Variants in ANKRD36C observed in about 807,000 individuals in gnomAD.
The protein encoded by ANKRD36C is ankyrin repeat domain 36C.
ANKRD36C carries 61 observed loss-of-function variants against 276.4 expected under a neutral mutation model. The ratio of observed to expected loss-of-function variants is 0.22; its 90% CI spans 0.18 to 0.27. The LOEUF (loss-of-function observed/expected upper bound fraction) is 0.27. Ranked by LOEUF, ANKRD36C falls within the 10% of genes least tolerant of loss-of-function variation. The pLI, the probability that ANKRD36C is intolerant of heterozygous loss-of-function variation, is 1.00. For missense variants in ANKRD36C, 1,447 were observed against 2,032.3 expected, an observed-to-expected ratio of 0.71 and a Z score of 5.54; for synonymous variants, 483 against 680.1, an observed-to-expected ratio of 0.71 and a Z score of 4.51.
intron 16 of ANKRD36C, among the ~76,000 whole-genome samples, chr2:95,950,314 T>A (rs1470050340): frequency 2.6e-5 from 4 of 151,558 alleles, no homozygotes; most frequent in Admixed American, 6.6e-5. Context: ...TTGGACAAAC[T>A]TTTGGAGTAG....
chr2:95,961,688 T>G (rs367816963), intron 8 of ANKRD36C, among the ~76,000 whole-genome samples: 1 of 151,828 alleles, frequency 6.6e-6, no homozygotes, highest in Non-Finnish European at 1.5e-5. Flanking sequence ...GCCCAATAGT[T>G]ACAAAGAGGG....
At chr2:95,908,768 G>C (rs1323760118) in intron 42 of ANKRD36C, 71 bp from the exon 47 acceptor site, 1 of 1,530,134 alleles carries the variant, frequency 6.5e-7, no homozygotes, top group African/African-American at 1.4e-5. Flanking sequence ...TTCATGCAGT[G>C]TTAGCATCAA....
chr2:95,966,926 T>C (rs1678604045), intron 6 of ANKRD36C, among the ~76,000 whole-genome samples: 1 of 152,174 alleles, frequency 6.6e-6, no homozygotes, highest in Non-Finnish European at 1.5e-5. Flanking sequence ...TTGTAGGAAT[T>C]GTGTATGGGA....
chr2:95,868,384 G>A (rs56414056), intron 59 of ANKRD36C, among the ~76,000 whole-genome samples: 10 of 151,350 alleles, frequency 6.6e-5, no homozygotes, highest in South Asian at 4.2e-4. Flanking sequence ...GCATATGTCC[G>A]ATGTTTAATT....
chr2:95,909,272 CTCTCAACCATA>C (rs1289792857), intron 42 of ANKRD36C, among the ~76,000 whole-genome samples: 4 of 72,414 alleles, frequency 5.5e-5, no homozygotes, highest in Non-Finnish European at 1.1e-4. Flanking sequence ...TTCATTATCT[CTCTCAACCATA>C]TGGTGTAACA....
At chr2:95,975,337 A>G (rs1678787720) in intron 6 of ANKRD36C, among the ~76,000 whole-genome samples, 1 of 152,218 alleles carries the variant, frequency 6.6e-6, no homozygotes, top group African/African-American at 2.4e-5. Flanking sequence ...CTAAGCCAAA[A>G]GAATAAAGCT....
At position 95,891,998 on chromosome 2, in the gene ANKRD36C, A is replaced by G. The variant is rs552157894; in HGVS notation, c.2756-138T>C. 698 of 1,396,440 alleles carry G rather than the reference A, an allele frequency of 5.0e-4. 1 individual carries two copies. Among genetic ancestry groups the G allele is most frequent in the African/African-American group, 2.3e-3 (157 of 68,290 alleles). 86.5% of individuals were successfully genotyped at this position (1,396,440 alleles called of 1,614,324 possible). On this transcript the variant is annotated intron_variant, in intron 44 of 66. Transcript: ENST00000456556. The stretch of plus-strand genomic sequence containing the variant: ...TTTGATGGCTTCTACTTTGTGTCTG[A>G]GGACTAGAACATGACAGAAATACGC...
chr2:95,910,716 C>G, intron 42 of ANKRD36C, 148 bp from the exon 45 acceptor site: 2 of 1,445,584 alleles, frequency 1.4e-6, no homozygotes, highest in Non-Finnish European at 1.9e-6. Context: ...GGGACTAGAA[C>G]ATGACAGAAG....
chr2:95,917,953 T>A, intron 35 of ANKRD36C, 26 bp from the exon 38 acceptor site: 1 of 1,598,144 alleles, frequency 6.3e-7, no homozygotes, highest in African/African-American at 1.3e-5. Flanking sequence ...AAGAAAATAA[T>A]AAATAAATAA....
chr2:95,914,373 T>G, intron 38 of ANKRD36C, 70 bp from the exon 41 acceptor site: 2 of 1,514,136 alleles, frequency 1.3e-6, no homozygotes, highest in Non-Finnish European at 1.8e-6. Context: ...ATTCATGCAG[T>G]GTTAGCATCA....
chr2:95,931,792 T>C lies in ANKRD36C; in HGVS notation c.1736-2525A>G, dbSNP rs527263069. On this transcript the variant is annotated intron_variant, in intron 24 of 66. Coordinates refer to ENST00000456556, the Ensembl canonical transcript of ANKRD36C. ...TAAATATGGAACAGAAACATTTTCA[T>C]TTGTAATTAAAATTCCTCTATTTAC... Among the ~76,000 whole-genome samples, 75 of 148,502 alleles carry C rather than the reference T, an allele frequency of 5.1e-4. No homozygotes were observed. The South Asian group carries it at 0.014, about 28-fold the overall frequency.
rs56964568 is a variant in ANKRD36C, at chr2:95,946,156, GAAAAAAAAA to G, written c.1363-991_1363-983del. On this transcript the variant is annotated intron_variant, in intron 17 of 66. Transcript: ENST00000456556. ...AACAGAGAGAGAGAGACAGAGAGAG[GAAAAAAAAA>G]AAAAAAAAAAAAACAATAAAATTCC... is the stretch of plus-strand genomic sequence containing the variant. 1.5e-4 allele frequency among the ~76,000 whole-genome samples: 11 copies of G among 73,300 alleles called. No homozygotes were observed. In the East Asian group the frequency reaches 2.7e-3, roughly 18 times the overall value. The allele number at this position is 73,300 out of a possible 152,430, so 48.1% of individuals were successfully genotyped here.
At chr2:95,849,739 AC>A (rs1466548623), downstream of ANKRD36C, among the ~76,000 whole-genome samples, 2 of 152,196 alleles carry the variant, frequency 1.3e-5, no homozygotes, top group Non-Finnish European at 2.9e-5. Flanking sequence ...GGAGCATGTG[AC>A]CTAGATCCCT....
chr2:95,864,643 A>G (rs1326782694), intron 60 of ANKRD36C, among the ~76,000 whole-genome samples: 1 of 152,108 alleles, frequency 6.6e-6, no homozygotes, highest in African/African-American at 2.4e-5. Context: ...TGACCATAAA[A>G]TAGGTATGGG....
At chr2:95,892,629 T>C (rs1419134608) in intron 44 of ANKRD36C, among the ~76,000 whole-genome samples, 1 of 151,544 alleles carries the variant, frequency 6.6e-6, no homozygotes, top group African/African-American at 2.4e-5. Context: ...CAGTTATTCA[T>C]TCAGAAATCA....
intron 59 of ANKRD36C, among the ~76,000 whole-genome samples, chr2:95,870,238 C>T (rs1323069758): frequency 6.6e-6 from 1 of 152,172 alleles, no homozygotes; most frequent in East Asian, 1.9e-4. Flanking sequence ...CACTGACCCC[C>T]GAGCAGCCTA....
intron 59 of ANKRD36C, among the ~76,000 whole-genome samples, chr2:95,868,109 A>G (rs1423166212): frequency 6.6e-6 from 1 of 151,250 alleles, no homozygotes; most frequent in Non-Finnish European, 1.5e-5. Flanking sequence ...ATATCACTTA[A>G]TTCCACTTCT....
Position 95,857,294 on chromosome 2 carries a change from C to G in ANKRD36C, c.4080+15G>C, listed in dbSNP as rs766152288. On this transcript the variant is annotated intron_variant, in intron 62 of 66. Coordinates refer to ENST00000456556, the Ensembl canonical transcript of ANKRD36C. ...TAAGAGTAGAAATATGAAGTTTTAC[C>G]AAACATTAATTTACCTGATTTGAAT... The G allele has an allele frequency of 1.9e-6, 3 of 1,580,820 alleles. No individual in the cohort carries two copies. The highest frequency in any genetic ancestry group is 2.2e-5 in the East Asian group (1 of 44,644).
chr2:95,873,813 C>A (rs952423698), intron 59 of ANKRD36C, among the ~76,000 whole-genome samples: 11 of 152,292 alleles, frequency 7.2e-5, no homozygotes, highest in South Asian at 2.1e-4. Context: ...TTAAGCTGAT[C>A]AGCAACTTCA....
Sources: allele counts gnomAD v4.1 joint callset (sites outside exome capture counted in the v4.1 genomes callset), GRCh38; gene constraint gnomAD v4.1.1; transcripts MANE v1.5; gene names NCBI Gene and HGNC (gene_info 2026-07-23, HGNC 2026-07-21).